The following CNBD1 variants were observed in gnomAD, a reference collection of about 807,000 sequenced individuals.
The protein encoded by CNBD1 is cyclic nucleotide-binding domain-containing protein 1.
Under a neutral mutation model 54.4 loss-of-function variants are expected in CNBD1, and 71 were observed. The ratio of observed to expected loss-of-function variants is 1.30; its 90% CI spans 1.08 to 1.59. The LOEUF is 1.59. Among genes scored for constraint, CNBD1 ranks in the 40% most tolerant of loss-of-function variants. The probability of loss-of-function intolerance (pLI) is 0.00; values close to 1 mark genes in which losing one functional copy is unlikely to be tolerated. For missense variants in CNBD1, 659 were observed against 518.0 expected (o/e 1.27, Z -2.64); for synonymous variants, 182 against 170.7 (o/e 1.07, Z -0.51).
chr8:87,389,291 G>T (rs980287436), intron 2 of CNBD1, among the ~76,000 whole-genome samples: 2 of 152,158 alleles, frequency 1.3e-5, no homozygotes, highest in Non-Finnish European at 2.9e-5. Flanking sequence ...TATTCAATTA[G>T]GAAAAGAGGA....
Position 86,905,080 on chromosome 8 carries a change from G to A in CNBD1, c.159-1G>A. The A allele has an allele frequency of 1.9e-6, 3 of 1,581,508 alleles. No individual in the cohort carries two copies. Among genetic ancestry groups the A allele is most frequent in the Non-Finnish European group, 2.6e-6 (3 of 1,154,292 alleles). ...AATTTAATTTCTCTCTTCTTTTTAAGCCGGAGTATGAGCAATATCTTATCA... is the reference window on the plus strand; with the variant it reads ...AATTTAATTTCTCTCTTCTTTTTAAACCGGAGTATGAGCAATATCTTATCA... On this transcript the variant is annotated splice_acceptor_variant, in intron 2 of 10. Coordinates refer to ENST00000518476, the MANE Select transcript of CNBD1 (RefSeq NM_173538.3). LOFTEE classifies it high-confidence loss of function.
chr8:87,339,853 A>G (rs1810029460), intron 8 of CNBD1, among the ~76,000 whole-genome samples: 1 of 152,096 alleles, frequency 6.6e-6, no homozygotes, highest in African/African-American at 2.4e-5. Flanking sequence ...TTATTAACGT[A>G]TTTCTATAAT....
intron 3 of CNBD1, among the ~76,000 whole-genome samples, chr8:86,935,219 G>A (rs1214764488): frequency 1.3e-5 from 2 of 152,016 alleles, no homozygotes; most frequent in East Asian, 3.9e-4. Context: ...TGTATTTTTA[G>A]TAGAGACAGG....
intron 6 of CNBD1, among the ~76,000 whole-genome samples, chr8:87,243,898 T>C (rs1807750596): frequency 6.6e-6 from 1 of 152,180 alleles, no homozygotes; most frequent in South Asian, 2.1e-4. Context: ...AGTATTGATC[T>C]ATGTGTGACT....
intron 10 of CNBD1, among the ~76,000 whole-genome samples, chr8:87,354,846 G>T (rs1810391156): frequency 6.6e-6 from 1 of 151,730 alleles, no homozygotes; most frequent in Non-Finnish European, 1.5e-5. Flanking sequence ...TTGCTATTGT[G>T]AATAGTGCCG....
Position 87,357,722 on chromosome 8 carries a change from G to T in CNBD1, c.1303+3936G>T, listed in dbSNP as rs1427367761. ...GATGCTAGAATGAGTTAAGACCAGGGGACTGTTGGGAAGGGGTGATTATAT... is the reference window on the plus strand; with the variant it reads ...GATGCTAGAATGAGTTAAGACCAGGTGACTGTTGGGAAGGGGTGATTATAT... On this transcript the variant is annotated intron_variant, in intron 10 of 10. Transcript: ENST00000518476. Among the ~76,000 whole-genome samples the T allele has an allele frequency of 2.0e-5, 3 of 152,098 alleles. No individual in the cohort carries two copies. The East Asian group carries it at 5.8e-4, about 29-fold the overall frequency.
chr8:87,313,749 A>G (rs1809322665), intron 8 of CNBD1, among the ~76,000 whole-genome samples: 1 of 151,940 alleles, frequency 6.6e-6, no homozygotes, highest in Admixed American at 6.6e-5. Flanking sequence ...ACTTGTTCTT[A>G]AATAGAAAGA....
intron 2 of CNBD1, among the ~76,000 whole-genome samples, chr8:87,393,930 A>T (rs1000075467): frequency 6.6e-6 from 1 of 151,688 alleles, no homozygotes; most frequent in Non-Finnish European, 1.5e-5. Context: ...ATAAAAAAAC[A>T]CTATCCAAAG....
At position 87,224,006 on chromosome 8, in the gene CNBD1, T is replaced by G. The variant is rs974877077; in HGVS notation, c.578-12913T>G. On this transcript the variant is annotated intron_variant, in intron 5 of 10. Coordinates refer to ENST00000518476, the MANE Select transcript of CNBD1 (RefSeq NM_173538.3). ...TCTGATGGCCAGTGACGGTGAGCAT[T>G]TTTTCATGTGTTTTTTGGCTGCATA... 3.6e-3 allele frequency among the ~76,000 whole-genome samples: 553 copies of G among 152,208 alleles called. 7 individuals carry two copies. Among genetic ancestry groups the G allele is most frequent in the African/African-American group, 0.013 (540 of 41,484 alleles).
chr8:87,346,103 G>A (rs1036032114), intron 8 of CNBD1, among the ~76,000 whole-genome samples: 9 of 151,828 alleles, frequency 5.9e-5, no homozygotes, highest in African/African-American at 7.3e-5. Flanking sequence ...ATGCAATGGC[G>A]AGATCTTGGC....
intron 2 of CNBD1, among the ~76,000 whole-genome samples, chr8:87,389,344 A>T (rs13281007): frequency 0.28 from 42,749 of 152,100 alleles, 6,714 homozygotes; most frequent in Middle Eastern, 0.41. Context: ...TTGTGTATCT[A>T]GAAAACCCCA....
chr8:87,374,770 G>T (rs746033986), intron 10 of CNBD1, among the ~76,000 whole-genome samples: 1 of 151,466 alleles, frequency 6.6e-6, no homozygotes, highest in Non-Finnish European at 1.5e-5. Flanking sequence ...GTGATGATGA[G>T]AACCTAGACC....
At chr8:87,238,646 T>C (rs1563519634) in intron 6 of CNBD1, among the ~76,000 whole-genome samples, 1 of 152,118 alleles carries the variant, frequency 6.6e-6, no homozygotes, top group East Asian at 1.9e-4. Context: ...TATTTATATC[T>C]ATGTGCATAT....
At chr8:87,328,301 C>T (rs1207984399) in intron 8 of CNBD1, among the ~76,000 whole-genome samples, 4 of 151,858 alleles carry the variant, frequency 2.6e-5, no homozygotes, top group Non-Finnish European at 4.4e-5. Context: ...GTGAATTTTT[C>T]TGGGCTTTTT....
At chr8:87,272,270 G>T (rs1011247412) in intron 6 of CNBD1, among the ~76,000 whole-genome samples, 16 of 151,940 alleles carry the variant, frequency 1.1e-4, no homozygotes, top group Non-Finnish European at 2.9e-5. Context: ...AATATTTAAA[G>T]TGATGGACAT....
intron 1 of CNBD1, among the ~76,000 whole-genome samples, chr8:86,874,444 C>G (rs1376079333): frequency 1.3e-5 from 2 of 152,134 alleles, no homozygotes; most frequent in Non-Finnish European, 2.9e-5. Context: ...TTGCCCCACT[C>G]TTGATGATAT....
chr8:87,072,313 A>G (rs1273543095), intron 4 of CNBD1, among the ~76,000 whole-genome samples: 2 of 152,130 alleles, frequency 1.3e-5, no homozygotes, highest in Non-Finnish European at 2.9e-5. Flanking sequence ...ATATAAAGTA[A>G]GTATTATTAT....
chr8:87,394,228 A>G (rs1221191445), intron 2 of CNBD1, among the ~76,000 whole-genome samples: 2 of 151,882 alleles, frequency 1.3e-5, no homozygotes, highest in East Asian at 3.9e-4. Flanking sequence ...AAATAAAATA[A>G]GAAGACTCCT....
chr8:87,410,234 T>C (rs1361079533), intron 2 of CNBD1, among the ~76,000 whole-genome samples: 1 of 152,110 alleles, frequency 6.6e-6, no homozygotes, highest in Non-Finnish European at 1.5e-5. Flanking sequence ...TACCACAACA[T>C]TTATTCTATA....
Sources: gnomAD v4.1 joint callset for allele counts (sites outside exome capture counted in the v4.1 genomes callset) on GRCh38, gnomAD v4.1.1 for gene constraint, MANE v1.5 for transcripts, NCBI Gene and HGNC (gene_info 2026-07-23, HGNC 2026-07-21) for gene names.